Variants in NUP93 observed in about 807,000 individuals in gnomAD.
NUP93 encodes the protein nuclear pore complex protein Nup93.
NUP93 carries 55 observed loss-of-function variants against 107.8 expected under a neutral mutation model. That is an observed-to-expected ratio of 0.51 (90% CI 0.41 to 0.64). The LOEUF (loss-of-function observed/expected upper bound fraction) is 0.64, where lower values mean the gene tolerates loss of function less well. NUP93 is among the 30% of genes least tolerant of loss of function. The pLI is 0.00. For synonymous variants in NUP93, 390 were observed against 397.5 expected (o/e 0.98, Z 0.22); for missense variants, 937 against 1,044.7 (o/e 0.90, Z 1.42).
Position 56,845,892 on chromosome 16 carries a change from C to T in NUP93, c.*1283C>T, listed in dbSNP as rs1307851166. On this transcript the variant is annotated 3_prime_UTR_variant, in exon 22 of 22. Transcript: ENST00000308159. ...GATAATGGAACCAACTGCTGCTTAT[C>T]GGTAGGATTCCATGTTCCAGGAAGG... 3.3e-5 allele frequency: 5 copies of T among 152,328 alleles called. No individual in the cohort carries two copies. The highest frequency in any genetic ancestry group is 3.4e-3 in the Middle Eastern group (1 of 294). 9.4% of individuals were successfully genotyped at this position (152,328 alleles called of 1,614,324 possible). A position where few individuals can be genotyped will look rare whatever the true frequency, so the allele number is the denominator to read the frequency against.
intron 3 of NUP93, among the ~76,000 whole-genome samples, chr16:56,766,394 G>A (rs911795033): frequency 2.6e-5 from 4 of 152,128 alleles, no homozygotes; most frequent in East Asian, 1.9e-4. Flanking sequence ...TTAACCTGCC[G>A]ATACCAGTGA....
chr16:56,798,822 G>A lies in NUP93; in HGVS notation c.360+284G>A, dbSNP rs551041708. Among the ~76,000 whole-genome samples the A allele has an allele frequency of 3.5e-4, 52 of 150,220 alleles. 1 individual carries two copies. The highest frequency in any genetic ancestry group is 1.3e-3 in the South Asian group (6 of 4,736). On this transcript the variant is annotated intron_variant, in intron 4 of 21. Coordinates refer to ENST00000308159, the MANE Select transcript of NUP93 (RefSeq NM_014669.5). ...TAGAGGCTTGAGTGAGCCGAGTCGC[G>A]CCACTGCACTTCATCCTGGGGGACA...
intron 2 of NUP93, among the ~76,000 whole-genome samples, chr16:56,758,296 G>A (rs1962063296): frequency 6.6e-6 from 1 of 152,090 alleles, no homozygotes; most frequent in Non-Finnish European, 1.5e-5. Context: ...TTCTAGACAA[G>A]GCTCTCAAAT....
intron 4 of NUP93, among the ~76,000 whole-genome samples, chr16:56,801,286 A>C (rs1963015608): frequency 1.3e-5 from 2 of 152,202 alleles, no homozygotes; most frequent in Admixed American, 1.3e-4. Flanking sequence ...AACAGAATAG[A>C]TTGGAATGGG....
chr16:56,819,225 G>A (rs1397616772), intron 6 of NUP93, among the ~76,000 whole-genome samples: 2 of 152,214 alleles, frequency 1.3e-5, no homozygotes, highest in African/African-American at 4.8e-5. Flanking sequence ...CCTTCTGGTT[G>A]TAGATGAGGA....
rs1156336930 is a variant in NUP93, at chr16:56,829,004, C to T, written c.822C>T (p.Val274=). 9 of 1,613,512 alleles carry T rather than the reference C, an allele frequency of 5.6e-6. No individual in the cohort carries two copies. The African/African-American group carries it at 1.1e-4, about 19-fold the overall frequency. Residue 274 remains valine (V), a synonymous_variant, in exon 9 of 22, where the codon GTC becomes GTT. Transcript: ENST00000308159. ...QSYKNYTLVT[V]FGNLHQAQLG... ...ATAAGAATTACACCCTTGTGACTGT[C>T]TTTGGAAATTTGCATCAGGCCCAGC...
intron 2 of NUP93, among the ~76,000 whole-genome samples, chr16:56,755,629 A>G (rs1468395944): frequency 1.3e-5 from 2 of 152,170 alleles, no homozygotes; most frequent in Non-Finnish European, 2.9e-5. Flanking sequence ...TAATCCCAGC[A>G]CTTTGGGAGG....
chr16:56,794,111 T>G (rs911260918), intron 3 of NUP93, among the ~76,000 whole-genome samples: 1 of 152,080 alleles, frequency 6.6e-6, no homozygotes, highest in South Asian at 2.1e-4. Flanking sequence ...GATAGATAGA[T>G]AGATAGATAG....
At chr16:56,821,852 C>T (rs1299783330) in intron 7 of NUP93, among the ~76,000 whole-genome samples, 2 of 151,264 alleles carry the variant, frequency 1.3e-5, no homozygotes, top group Admixed American at 1.3e-4. Context: ...CTTTGAAGTC[C>T]CATCAGGCTT....
chr16:56,774,730 C>T (rs1030828794), intron 3 of NUP93, among the ~76,000 whole-genome samples: 5 of 152,040 alleles, frequency 3.3e-5, no homozygotes, highest in African/African-American at 1.2e-4. Context: ...TTTCTCATTT[C>T]GCAGATGAAG....
At chr16:56,804,406 A>G (rs1184957494) in intron 4 of NUP93, among the ~76,000 whole-genome samples, 2 of 152,222 alleles carry the variant, frequency 1.3e-5, no homozygotes, top group Admixed American at 6.5e-5. Flanking sequence ...GACACTTGCT[A>G]CAACTCTTAA....
chr16:56,830,700 G>T lies in NUP93; in HGVS notation c.1085+15G>T. On this transcript the variant is annotated intron_variant, in intron 10 of 21. Transcript: ENST00000308159. ...AAGGACAGAAGGTATGGTGAATGAG[G>T]TGGCACGCCCAGGGGCAGCCATGCA... 6.5e-7 allele frequency: 1 copy of T among 1,549,016 alleles called. No individual in the cohort carries two copies. The highest frequency in any genetic ancestry group is 8.8e-7 in the Non-Finnish European group (1 of 1,135,574).
At chr16:56,816,667 A>G (rs1182534576) in intron 5 of NUP93, among the ~76,000 whole-genome samples, 2 of 152,152 alleles carry the variant, frequency 1.3e-5, no homozygotes, top group African/African-American at 2.4e-5. Context: ...TTTCCATCTC[A>G]TTGGCTAGAA....
Position 56,845,503 on chromosome 16 carries a change from A to G in NUP93, c.*894A>G, listed in dbSNP as rs1964106423. On this transcript the variant is annotated 3_prime_UTR_variant, in exon 22 of 22. Transcript: ENST00000308159. ...CAATGTACAGAATCCAGACCACCAC[A>G]TGGCATCAGCACCATGGGTGTTTGC... 1 of 152,222 alleles carries G rather than the reference A, an allele frequency of 6.6e-6. No homozygotes were observed. Among genetic ancestry groups the G allele is most frequent in the Admixed American group, 6.5e-5 (1 of 15,268 alleles). The allele number at this position is 152,222 out of a possible 1,614,324, so 9.4% of individuals were successfully genotyped here.
chr16:56,840,839 A>G (rs1348928535), intron 20 of NUP93, among the ~76,000 whole-genome samples: 1 of 152,152 alleles, frequency 6.6e-6, no homozygotes, highest in Non-Finnish European at 1.5e-5. Context: ...CTACTAAAAA[A>G]TACAAAAATT....
At chr16:56,756,208 T>C (rs1962015938) in intron 2 of NUP93, among the ~76,000 whole-genome samples, 1 of 151,294 alleles carries the variant, frequency 6.6e-6, no homozygotes. Flanking sequence ...ACATGTGCCA[T>C]GGTGGTTTGC....
chr16:56,805,855 C>G (rs1362069764), intron 5 of NUP93, among the ~76,000 whole-genome samples: 3 of 151,938 alleles, frequency 2.0e-5, no homozygotes, highest in African/African-American at 7.3e-5. Context: ...TCCCTGACCT[C>G]TATAGGTTTG....
intron 21 of NUP93, among the ~76,000 whole-genome samples, chr16:56,842,239 T>G (rs1051290734): frequency 2.6e-5 from 4 of 152,250 alleles, no homozygotes; most frequent in African/African-American, 4.8e-5. Context: ...CTGTCACCTG[T>G]GTTCACAGTG....
At chr16:56,821,856 C>G (rs1963550769) in intron 7 of NUP93, among the ~76,000 whole-genome samples, 1 of 151,432 alleles carries the variant, frequency 6.6e-6, no homozygotes, top group South Asian at 2.1e-4. Flanking sequence ...GAAGTCCCAT[C>G]AGGCTTTTAC....
Sources: gnomAD v4.1 joint callset for allele counts (sites outside exome capture counted in the v4.1 genomes callset) on GRCh38, gnomAD v4.1.1 for gene constraint, MANE v1.5 for transcripts, NCBI Gene and HGNC (gene_info 2026-07-23, HGNC 2026-07-21) for gene names.